PLXNB2: variants seen among roughly 807,000 people sequenced by gnomAD.
PLXNB2 encodes the protein plexin-B2.
A neutral mutation model predicts 202.6 loss-of-function variants in PLXNB2; 85 were observed. The ratio of observed to expected loss-of-function variants is 0.42; its 90% CI spans 0.35 to 0.50. The LOEUF is 0.50. PLXNB2 is among the 20% of genes least tolerant of loss of function. PLXNB2 has a pLI of 0.02. For synonymous variants in PLXNB2, 1,239 were observed against 1,137.6 expected, an observed-to-expected ratio of 1.09 and a Z score of -1.79; for missense variants, 2,063 against 2,586.2, an observed-to-expected ratio of 0.80 and a Z score of 4.39.
chr22:50,279,025 C>A lies in PLXNB2; in HGVS notation c.4390-14G>T. The A allele has an allele frequency of 1.9e-6, 3 of 1,592,342 alleles. No individual in the cohort carries two copies. Among genetic ancestry groups the A allele is most frequent in the South Asian group, 1.1e-5 (1 of 87,830 alleles). The stretch of plus-strand genomic sequence containing the variant: ...CACGCTCACCGTCTGCCGAGACATC[C>A]GGGATGAAGCCCAGTGGGAGGCCCT... On this transcript the variant is annotated splice_polypyrimidine_tract_variant and intron_variant, in intron 27 of 36. Transcript: ENST00000359337.
chr22:50,287,539 G>C (rs1479164876), intron 7 of PLXNB2, 128 bp downstream of exon 7: 1 of 1,030,934 alleles, frequency 9.7e-7, no homozygotes, highest in Non-Finnish European at 1.4e-6. Flanking sequence ...CCTAAGGCTC[G>C]GTGCCCAGAG....
intron 35 of PLXNB2, 38 bp downstream of exon 35, chr22:50,276,591 G>C (rs376295011): frequency 1.3e-6 from 2 of 1,517,354 alleles, no homozygotes; most frequent in East Asian, 2.3e-5. Flanking sequence ...TAGTGGGAGC[G>C]GGGAGGGCTG....
At chr22:50,287,075 A>G in intron 8 of PLXNB2, 36 bp downstream of exon 8, 1 of 1,470,010 alleles carries the variant, frequency 6.8e-7, no homozygotes, top group South Asian at 1.4e-5. Flanking sequence ...CGTGCGACCG[A>G]GAAGGGCCAC....
rs970991889 is a variant in PLXNB2, at chr22:50,288,160, A to T, written c.1381-123T>A. ...TCCCGGGGCCTCGGGAGCCTCAGACACCTCAGGCTTGATATTAAACAGTTC... is the reference window on the plus strand; with the variant it reads ...TCCCGGGGCCTCGGGAGCCTCAGACTCCTCAGGCTTGATATTAAACAGTTC... On this transcript the variant is annotated intron_variant, in intron 5 of 36. Coordinates refer to ENST00000359337, the MANE Select transcript of PLXNB2 (RefSeq NM_012401.4). The surrounding 1 kb of genome is among the most constrained non-coding windows in gnomAD (Gnocchi z 5.0). The T allele has an allele frequency of 1.4e-6, 1 of 690,288 alleles. No homozygotes were observed. 42.8% of individuals were successfully genotyped at this position (690,288 alleles called of 1,614,324 possible). A position where few individuals can be genotyped will look rare whatever the true frequency, so the allele number is the denominator to read the frequency against.
chr22:50,286,305 G>A lies in PLXNB2; in HGVS notation c.1763-18C>T, dbSNP rs752284522. 68 of 1,581,832 alleles carry A rather than the reference G, an allele frequency of 4.3e-5. 1 individual carries two copies. Among genetic ancestry groups the A allele is most frequent in the Non-Finnish European group, 5.7e-5 (66 of 1,152,282 alleles). On this transcript the variant is annotated intron_variant, in intron 8 of 36. Coordinates refer to ENST00000359337, the MANE Select transcript of PLXNB2 (RefSeq NM_012401.4). ...CACGTGGTCTGCAGACAGCAGAGGG[G>A]GAGGTGTCAAGGTGGCGGCCGCAGG...
chr22:50,304,420 T>C (rs1166863502), intron 1 of PLXNB2, among the ~76,000 whole-genome samples: 2 of 152,178 alleles, frequency 1.3e-5, no homozygotes, highest in African/African-American at 2.4e-5. Context: ...GGAGGGCCAC[T>C]GTGTCAGGGC....
chr22:50,305,266 C>T (rs2067843802), intron 1 of PLXNB2, among the ~76,000 whole-genome samples: 1 of 152,196 alleles, frequency 6.6e-6, no homozygotes, highest in African/African-American at 2.4e-5. Flanking sequence ...CTCCCCACCA[C>T]CTTCCAATCC....
At chr22:50,280,150 C>T in intron 25 of PLXNB2, 79 bp from the exon 26 acceptor site, 1 of 1,209,506 alleles carries the variant, frequency 8.3e-7, no homozygotes, top group Non-Finnish European at 1.2e-6. Context: ...AGCACCCGGC[C>T]ACCCTTGCGC....
rs935151490 is a variant in PLXNB2 at position 50,288,194 on chromosome 22, G to A, written c.1381-157C>T. Among the ~76,000 whole-genome samples, 2 of 152,254 alleles carry A rather than the reference G, an allele frequency of 1.3e-5. No homozygotes were observed. Among genetic ancestry groups the A allele is most frequent in the East Asian group, 3.9e-4 (2 of 5,172 alleles). ...TTGATATTAAACAGTTCTGGCTCTGGGTGGCCATGCCTGGCCCAGGATCCC... is the reference window on the plus strand; with the variant it reads ...TTGATATTAAACAGTTCTGGCTCTGAGTGGCCATGCCTGGCCCAGGATCCC... On this transcript the variant is annotated intron_variant, in intron 5 of 36. Transcript: ENST00000359337. This position sits in a 1 kb window ranked among gnomAD's most constrained non-coding sequence, Gnocchi z 5.0.
rs548495037 is a variant in PLXNB2, at chr22:50,298,665, G to A, written c.-73-3887C>T. 3.9e-5 allele frequency among the ~76,000 whole-genome samples: 6 copies of A among 152,202 alleles called. No individual in the cohort carries two copies. The South Asian group carries it at 1.0e-3, about 26-fold the overall frequency. ...ACTGGGCCATTCTTTTCTTTTTTCT[G>A]AGACAGGTCTCACTCTGTCACCCAG... is the stretch of plus-strand genomic sequence containing the variant. On this transcript the variant is annotated intron_variant, in intron 1 of 36. Transcript: ENST00000359337.
chr22:50,279,592 C>T, intron 27 of PLXNB2, 38 bp downstream of exon 27: 2 of 1,605,184 alleles, frequency 1.2e-6, no homozygotes, highest in Non-Finnish European at 1.7e-6. Context: ...TAGCCCAGAT[C>T]CGAGGCGCCC....
chr22:50,282,799 C>A lies in PLXNB2; in HGVS notation c.2899G>T (p.Gly967Trp). 1 of 1,610,944 alleles carries A rather than the reference C, an allele frequency of 6.2e-7. No homozygotes were observed. Among genetic ancestry groups the A allele is most frequent in the Non-Finnish European group, 8.5e-7 (1 of 1,179,220 alleles). ...GQMLLEVSYG[G>W]SPVPNPGIFF... Reference sequence around the variant, plus strand: ...ATGCCGGGGTTGGGCACGGGGGACCCCCCGTAGGAGACCTCCAGAAGCATC... The same window carrying A: ...ATGCCGGGGTTGGGCACGGGGGACCACCCGTAGGAGACCTCCAGAAGCATC... Residue 967 changes from glycine to tryptophan, a missense_variant, in exon 18 of 37, where the codon GGG (glycine) becomes TGG (tryptophan). Gly to Trp is a radical substitution (Grantham distance 184). Transcript: ENST00000359337.
At chr22:50,276,076 T>C (rs1006353931) in intron 35 of PLXNB2, 113 bp from the exon 36 acceptor site, 7 of 990,012 alleles carry the variant, frequency 7.1e-6, no homozygotes, top group Non-Finnish European at 9.4e-6. Flanking sequence ...AGCTGGGGCC[T>C]TGGGCACAGC....
intron 1 of PLXNB2, chr22:50,300,306 C>A: frequency 1.0e-6 from 1 of 985,376 alleles, no homozygotes; most frequent in Non-Finnish European, 1.2e-6. Context: ...ATCGCACAGC[C>A]GGCCATTACC....
Position 50,287,279 on chromosome 22 carries a change from G to A in PLXNB2, c.1609-15C>T, listed in dbSNP as rs747672160. On this transcript the variant is annotated splice_polypyrimidine_tract_variant and intron_variant, in intron 7 of 36. Coordinates refer to ENST00000359337, the MANE Select transcript of PLXNB2 (RefSeq NM_012401.4). ...GTCAGCTGCACCTGAGGGAGGGGCC[G>A]TGCCGCTCACACTGGGAACCCCGAG... 18 of 1,473,332 alleles carry A rather than the reference G, an allele frequency of 1.2e-5. No individual in the cohort carries two copies. Among genetic ancestry groups the A allele is most frequent in the African/African-American group, 2.8e-5 (2 of 70,624 alleles). The allele number at this position is 1,473,332 out of a possible 1,614,324, so 91.3% of individuals were successfully genotyped here. A position where few individuals can be genotyped will look rare whatever the true frequency, so the allele number is the denominator to read the frequency against.
intron 1 of PLXNB2, among the ~76,000 whole-genome samples, chr22:50,304,382 G>A (rs1008294072): frequency 1.3e-5 from 2 of 152,190 alleles, no homozygotes; most frequent in African/African-American, 4.8e-5. Flanking sequence ...TCACACGCTT[G>A]GTCTTCAGAG....
chr22:50,281,403 C>T lies in PLXNB2; in HGVS notation c.3619G>A (p.Val1207Met), dbSNP rs747263348. 1.6e-5 allele frequency: 26 copies of T among 1,612,206 alleles called. No individual in the cohort carries two copies. The highest frequency in any genetic ancestry group is 1.1e-5 in the South Asian group (1 of 90,996). Residue 1207 changes from valine to methionine, a missense_variant, in exon 22 of 37, where the codon GTG becomes ATG. Transcript: ENST00000359337. ...PLSLILPLVI[V>M]PMVVVIAVSV... ...ACCGCGATGACGACCACCATGGGCA[C>T]GATGACCAGCGGCAAGATGAGGCTG...
At position 50,281,344 on chromosome 22, in the gene PLXNB2, C is replaced by G. The variant is rs1383457964; in HGVS notation, c.3662+16G>C. 3.2e-5 allele frequency: 52 copies of G among 1,610,730 alleles called. No individual in the cohort carries two copies. Among genetic ancestry groups the G allele is most frequent in the Non-Finnish European group, 4.4e-5 (52 of 1,179,284 alleles). ...CGAGGGCTCAGGGTGTTGGCACAGC[C>G]GGGGGGCGGGCTCACCAGTAGCAGT... On this transcript the variant is annotated intron_variant, in intron 22 of 36. Coordinates refer to ENST00000359337, the MANE Select transcript of PLXNB2 (RefSeq NM_012401.4).
At chr22:50,282,658 A>G (rs973434171) in intron 18 of PLXNB2, 53 bp downstream of exon 18, 7 of 1,316,870 alleles carry the variant, frequency 5.3e-6, no homozygotes, top group Non-Finnish European at 5.3e-6. Flanking sequence ...AAGGGCACTG[A>G]GGAGGCAGCT....
Sources: gnomAD v4.1 joint callset for allele counts (sites outside exome capture counted in the v4.1 genomes callset) on GRCh38, gnomAD v4.1.1 for gene constraint, Gnocchi (gnomAD v3.1) non-coding constraint, MANE v1.5 for transcripts, NCBI Gene and HGNC (gene_info 2026-07-23, HGNC 2026-07-21) for gene names.